The following CACNA1D variants were observed in gnomAD, a reference collection of about 807,000 sequenced individuals.
CACNA1D encodes the protein calcium voltage-gated channel subunit alpha1 D.
Under a neutral mutation model 257.1 loss-of-function variants are expected in CACNA1D, and 55 were observed. That is an observed-to-expected ratio of 0.21 (90% CI 0.17 to 0.27). The LOEUF (loss-of-function observed/expected upper bound fraction) is 0.27, where lower values mean the gene tolerates loss of function less well. Ranked by LOEUF, CACNA1D falls within the 10% of genes least tolerant of loss-of-function variation. CACNA1D has a pLI of 1.00. For missense variants in CACNA1D, 1,876 were observed against 2,784.0 expected (o/e 0.67, Z 7.34); for synonymous variants, 980 against 1,014.9 (o/e 0.97, Z 0.65).
At chr3:53,628,019 C>CA (rs915786225) in intron 3 of CACNA1D, among the ~76,000 whole-genome samples, 21 of 151,320 alleles carry the variant, frequency 1.4e-4, no homozygotes, top group East Asian at 5.8e-4. Context: ...GACTCCATCT[C>CA]AAAAAAAATA....
At chr3:53,788,066 C>T (rs1303163816) in intron 40 of CACNA1D, among the ~76,000 whole-genome samples, 1 of 152,136 alleles carries the variant, frequency 6.6e-6, no homozygotes, top group African/African-American at 2.4e-5. Flanking sequence ...GTGATGGTAA[C>T]AGCCCAAATG....
Position 53,812,319 on chromosome 3 carries a change from C to G in CACNA1D, c.*913C>G, listed in dbSNP as rs962847277. The G allele has an allele frequency of 2.0e-5, 3 of 152,060 alleles. No individual in the cohort carries two copies. Among genetic ancestry groups the G allele is most frequent in the African/African-American group, 4.8e-5 (2 of 41,376 alleles). 9.4% of individuals were successfully genotyped at this position (152,060 alleles called of 1,614,324 possible). ...TTATTAGTATTTTTACTCGGGCTATCCAGAAGTAGAAGAAATAGAGCCAAT... is the reference window on the plus strand; with the variant it reads ...TTATTAGTATTTTTACTCGGGCTATGCAGAAGTAGAAGAAATAGAGCCAAT... On this transcript the variant is annotated 3_prime_UTR_variant, in exon 48 of 48. Coordinates refer to ENST00000350061, the MANE Select transcript of CACNA1D (RefSeq NM_001128840.3).
intron 3 of CACNA1D, among the ~76,000 whole-genome samples, chr3:53,547,744 A>C (rs892415101): frequency 6.6e-6 from 1 of 152,174 alleles, no homozygotes; most frequent in Non-Finnish European, 1.5e-5. Context: ...GCTGACTGTC[A>C]TGACCCAACC....
intron 3 of CACNA1D, among the ~76,000 whole-genome samples, chr3:53,528,799 C>G (rs1575764435): frequency 2.0e-5 from 3 of 152,248 alleles, no homozygotes; most frequent in African/African-American, 4.8e-5. Context: ...TAAAAAGAAT[C>G]TTCTAGTTGT....
At chr3:53,688,313 G>A (rs900871671) in intron 8 of CACNA1D, among the ~76,000 whole-genome samples, 2 of 152,228 alleles carry the variant, frequency 1.3e-5, no homozygotes, top group African/African-American at 4.8e-5. Flanking sequence ...CTCTGTTGTA[G>A]TGAGGGGAGC....
In CACNA1D at chr3:53,550,863, T is replaced by C. The variant is rs1212401414; in HGVS notation, c.483+49143T>C. ...TGTTTTTCACTTAAATGAGCAATTA[T>C]ATCTTTAACTTGGGGATGGAAATAT... On this transcript the variant is annotated intron_variant, in intron 3 of 47. Coordinates refer to ENST00000350061, the MANE Select transcript of CACNA1D (RefSeq NM_001128840.3). Among the ~76,000 whole-genome samples the C allele has an allele frequency of 2.0e-5, 3 of 152,228 alleles. No individual in the cohort carries two copies. In the East Asian group the frequency reaches 5.8e-4, roughly 29 times the overall value.
intron 3 of CACNA1D, among the ~76,000 whole-genome samples, chr3:53,502,651 T>C (rs918082478): frequency 2.6e-5 from 4 of 152,280 alleles, no homozygotes; most frequent in African/African-American, 7.2e-5. Flanking sequence ...TCTCATACCT[T>C]TCTGCATTGC....
intron 12 of CACNA1D, 51 bp downstream of exon 12, chr3:53,722,525 C>T: frequency 6.4e-7 from 1 of 1,555,662 alleles, no homozygotes; most frequent in Non-Finnish European, 8.9e-7. Flanking sequence ...ATTTCTGTGG[C>T]TGTCCAACTG....
chr3:53,537,884 C>T (rs958292865), intron 3 of CACNA1D, among the ~76,000 whole-genome samples: 20 of 152,314 alleles, frequency 1.3e-4, no homozygotes, highest in African/African-American at 4.1e-4. Flanking sequence ...CCTACAGGCT[C>T]ATAACATTCA....
intron 11 of CACNA1D, 131 bp downstream of exon 11, chr3:53,719,912 A>G (rs1042550466): frequency 7.9e-6 from 7 of 884,216 alleles, no homozygotes; most frequent in African/African-American, 1.6e-5. Context: ...ACTGAATTGC[A>G]GTCAGTCAAT....
intron 3 of CACNA1D, among the ~76,000 whole-genome samples, chr3:53,533,789 T>C (rs1403603000): frequency 6.6e-6 from 1 of 152,224 alleles, no homozygotes; most frequent in Non-Finnish European, 1.5e-5. Context: ...TGTCTCCTTT[T>C]TTCAGCCTGG....
intron 3 of CACNA1D, among the ~76,000 whole-genome samples, chr3:53,592,935 C>T (rs977676684): frequency 7.9e-5 from 12 of 152,132 alleles, no homozygotes; most frequent in East Asian, 1.9e-4. Flanking sequence ...GTGATCTGTC[C>T]GCCTCAGCCT....
Position 53,726,932 on chromosome 3 carries a change from C to T in CACNA1D, c.2154C>T (p.Tyr718=), listed in dbSNP as rs762660383. 12 of 1,614,104 alleles carry T rather than the reference C, an allele frequency of 7.4e-6. No individual in the cohort carries two copies. The highest frequency in any genetic ancestry group is 4.0e-5 in the African/African-American group (3 of 75,046). Reference sequence around the variant, plus strand: ...TGATGTACGATGGCATCATGGCTTACGGGGGCCCATCCTCTTCAGGAATGA... The same window carrying T: ...TGATGTACGATGGCATCATGGCTTATGGGGGCCCATCCTCTTCAGGAATGA... ...NAVMYDGIMA[Y]GGPSSSGMIV... is the part of the protein sequence containing the mutation. The change falls in exon 15 of 48, where the codon TAC becomes TAT. Residue 718 remains tyrosine (Y), a synonymous_variant. Transcript: ENST00000350061.
At chr3:53,808,286 C>CAT (rs2095577445) in intron 45 of CACNA1D, 1 of 271,906 alleles carries the variant, frequency 3.7e-6, no homozygotes, top group Non-Finnish European at 7.2e-6. Flanking sequence ...TGGTGGCGGG[C>CAT]GCCTGTAGTC....
At chr3:53,684,078 T>C (rs914196873) in intron 8 of CACNA1D, among the ~76,000 whole-genome samples, 1 of 152,134 alleles carries the variant, frequency 6.6e-6, no homozygotes, top group Non-Finnish European at 1.5e-5. Context: ...AATAAGAATA[T>C]GCATTTACTT....
intron 9 of CACNA1D, among the ~76,000 whole-genome samples, chr3:53,710,693 A>G (rs2094744201): frequency 6.8e-6 from 1 of 146,720 alleles, no homozygotes. Context: ...GTACCTTATA[A>G]AGAAGCAGCT....
At position 53,727,361 on chromosome 3, in the gene CACNA1D, G is replaced by A. The variant is rs536100585; in HGVS notation, c.2221+362G>A. ...GTGGTTCTTTATGTTATCATTATTG[G>A]GAGCTTAGGCGTCCATCTGTGACTT... On this transcript the variant is annotated intron_variant, in intron 15 of 47. Coordinates refer to ENST00000350061, the MANE Select transcript of CACNA1D (RefSeq NM_001128840.3). Among the ~76,000 whole-genome samples the A allele has an allele frequency of 7.9e-5, 12 of 152,256 alleles. No homozygotes were observed. The South Asian group carries it at 1.9e-3, about 24-fold the overall frequency.
chr3:53,603,805 C>G (rs73840126), intron 3 of CACNA1D, among the ~76,000 whole-genome samples: 1,849 of 152,290 alleles, frequency 0.012, 39 homozygotes, highest in African/African-American at 0.042. Context: ...TTTCCAGATT[C>G]ACTGAATTAG....
chr3:53,672,427 A>G (rs1025965867), intron 7 of CACNA1D, among the ~76,000 whole-genome samples: 2 of 152,214 alleles, frequency 1.3e-5, no homozygotes, highest in Non-Finnish European at 2.9e-5. Flanking sequence ...CAGATAATCC[A>G]GATCTAAGGT....
Sources: allele counts gnomAD v4.1 joint callset (sites outside exome capture counted in the v4.1 genomes callset), GRCh38; gene constraint gnomAD v4.1.1; transcripts MANE v1.5; gene names NCBI Gene and HGNC (gene_info 2026-07-23, HGNC 2026-07-21).